Variants in FANK1 observed in about 807,000 individuals in gnomAD.
The protein encoded by FANK1 is fibronectin type III and ankyrin repeat domains 1, also known as fibronectin type 3 and ankyrin repeat domains protein 1.
In FANK1, 44 loss-of-function variants were observed where a neutral mutation model predicts 45.3. The ratio of observed to expected loss-of-function variants is 0.97; its 90% CI spans 0.76 to 1.25. FANK1 has a LOEUF of 1.25. FANK1 is among the 50% of genes most tolerant of loss of function. The pLI is 0.00. For synonymous variants in FANK1, 149 were observed against 152.5 expected, an observed-to-expected ratio of 0.98 and a Z score of 0.17; for missense variants, 391 against 424.4, an observed-to-expected ratio of 0.92 and a Z score of 0.69.
intron 1 of FANK1, among the ~76,000 whole-genome samples, chr10:125,931,229 C>T (rs1447097546): frequency 1.3e-5 from 2 of 152,298 alleles, no homozygotes; most frequent in Admixed American, 6.5e-5. Flanking sequence ...TGGGTAGATA[C>T]CCAGTAGTGG....
chr10:126,004,824 G>T, intron 6 of FANK1, 60 bp from the exon 7 acceptor site: 6 of 1,574,086 alleles, frequency 3.8e-6, no homozygotes, highest in Admixed American at 1.7e-5. Context: ...AGGGTAAAAG[G>T]TGGAGCTGAG....
At chr10:125,943,539 TTGTC>T (rs1948586852) in intron 1 of FANK1, among the ~76,000 whole-genome samples, 1 of 152,188 alleles carries the variant, frequency 6.6e-6, no homozygotes, top group Admixed American at 6.5e-5. Flanking sequence ...CTAATCTACT[TTGTC>T]TGATTTGCCT....
chr10:125,927,257 A>G (rs1397712796), intron 1 of FANK1, among the ~76,000 whole-genome samples: 1 of 152,162 alleles, frequency 6.6e-6, no homozygotes, highest in Non-Finnish European at 1.5e-5. Flanking sequence ...GGAGGCACAC[A>G]TGCCACACCC....
chr10:125,934,988 C>T (rs994392410), intron 1 of FANK1, among the ~76,000 whole-genome samples: 9 of 152,042 alleles, frequency 5.9e-5, no homozygotes, highest in African/African-American at 1.9e-4. Context: ...CTGCTCAGTG[C>T]TGCAGTTCAG....
chr10:125,932,636 A>C (rs952094704), intron 1 of FANK1, among the ~76,000 whole-genome samples: 4 of 152,184 alleles, frequency 2.6e-5, no homozygotes, highest in African/African-American at 9.7e-5. Flanking sequence ...AGGGTTTTCA[A>C]GGTAAACAGT....
At chr10:125,911,821 G>C (rs1335884277) in intron 1 of FANK1, among the ~76,000 whole-genome samples, 1 of 152,130 alleles carries the variant, frequency 6.6e-6, no homozygotes, top group Non-Finnish European at 1.5e-5. Context: ...AGTTACGCCT[G>C]GGTCCTTATT....
intron 1 of FANK1, among the ~76,000 whole-genome samples, chr10:125,945,008 C>T (rs183477446): frequency 1.3e-5 from 2 of 152,300 alleles, no homozygotes; most frequent in Admixed American, 1.3e-4. Flanking sequence ...CCACACCTTC[C>T]ACTGTTCTTC....
Position 126,005,041 on chromosome 10 carries a change from G to A in FANK1, c.697G>A (p.Gly233Ser). The change falls in exon 7 of 11, where the codon GGC (glycine) becomes AGC (serine). Residue 233 changes from glycine to serine, a missense_variant. Physicochemically the swap from Gly to Ser is moderately conservative, Grantham distance 56 (BLOSUM62 0). Coordinates refer to ENST00000368693, the MANE Select transcript of FANK1 (RefSeq NM_145235.5). ...TGTGATTGAGTGGATGATAAAGGAT[G>A]GCTGTGAGGTACGGGACCTGCCTTG... ...CSVIEWMIKD[G>S]CEVDVVDTGS... The A allele has an allele frequency of 6.2e-7, 1 of 1,613,424 alleles. No individual in the cohort carries two copies. Among genetic ancestry groups the A allele is most frequent in the Non-Finnish European group, 8.5e-7 (1 of 1,179,628 alleles).
chr10:125,954,353 A>G (rs766467428), intron 1 of FANK1, among the ~76,000 whole-genome samples: 3 of 152,220 alleles, frequency 2.0e-5, no homozygotes, highest in Admixed American at 6.5e-5. Flanking sequence ...TGAACAAGCT[A>G]AACCTTTGAA....
intron 3 of FANK1, 43 bp downstream of exon 3, chr10:125,988,718 TG>T (rs775950769): frequency 3.3e-5 from 54 of 1,614,028 alleles, no homozygotes; most frequent in Non-Finnish European, 4.6e-5. Flanking sequence ...TCTAGATCAA[TG>T]GAGATGACAA....
At chr10:125,916,023 G>A (rs1296493759) in intron 1 of FANK1, among the ~76,000 whole-genome samples, 1 of 152,044 alleles carries the variant, frequency 6.6e-6, no homozygotes, top group Non-Finnish European at 1.5e-5. Context: ...TGTAATATGA[G>A]AAAGTAATGA....
At chr10:125,967,903 C>G (rs893316969) in intron 1 of FANK1, among the ~76,000 whole-genome samples, 3 of 152,178 alleles carry the variant, frequency 2.0e-5, no homozygotes, top group African/African-American at 7.2e-5. Flanking sequence ...GGAGATCTTA[C>G]AACCATTTTT....
At chr10:126,007,278 T>A (rs1362258486) in intron 7 of FANK1, 2 of 152,274 alleles carry the variant, frequency 1.3e-5, no homozygotes, top group Admixed American at 1.3e-4. Context: ...AAGGCACTTC[T>A]CTGAGGTTTA....
rs142398455 is a variant in FANK1, at chr10:125,990,310, G to A, written c.316+1635G>A. 5.9e-5 allele frequency among the ~76,000 whole-genome samples: 9 copies of A among 152,180 alleles called. No homozygotes were observed. The East Asian group carries it at 9.7e-4, about 16-fold the overall frequency. On this transcript the variant is annotated intron_variant, in intron 3 of 10. Transcript: ENST00000368693. ...TGCCTGTGGCCTGAGCAGGAGTATC[G>A]CTTCAGCCAGGAGTTCAAGGCTACA... is the stretch of plus-strand genomic sequence containing the variant.
At chr10:126,006,083 A>AC (rs1252912812) in intron 7 of FANK1, among the ~76,000 whole-genome samples, 1 of 152,240 alleles carries the variant, frequency 6.6e-6, no homozygotes, top group African/African-American at 2.4e-5. Flanking sequence ...AAAGCATGGA[A>AC]CTAAAGAATG....
intron 3 of FANK1, among the ~76,000 whole-genome samples, chr10:125,992,593 A>G (rs1203915889): frequency 6.6e-6 from 1 of 152,142 alleles, no homozygotes; most frequent in Non-Finnish European, 1.5e-5. Context: ...ATATCCTAAT[A>G]CTAAAAGCCC....
At chr10:125,979,759 T>G (rs1313325522) in intron 1 of FANK1, 1 of 454,428 alleles carries the variant, frequency 2.2e-6, no homozygotes, top group African/African-American at 2.0e-5. Context: ...TGTCAACCCT[T>G]TGTCATCTAT....
At chr10:125,940,664 G>A (rs569176059) in intron 1 of FANK1, among the ~76,000 whole-genome samples, 1 of 152,068 alleles carries the variant, frequency 6.6e-6, no homozygotes, top group African/African-American at 2.4e-5. Context: ...ATTTACAGGT[G>A]TCGGGCTGGG....
At chr10:125,930,445 T>C (rs1947675715) in intron 1 of FANK1, among the ~76,000 whole-genome samples, 1 of 150,956 alleles carries the variant, frequency 6.6e-6, no homozygotes, top group Admixed American at 6.6e-5. Flanking sequence ...CAAGCAATCC[T>C]CCCACCTCAG....
Sources: allele counts gnomAD v4.1 joint callset (sites outside exome capture counted in the v4.1 genomes callset), GRCh38; gene constraint gnomAD v4.1.1; transcripts MANE v1.5; gene names NCBI Gene and HGNC (gene_info 2026-07-23, HGNC 2026-07-21).